The following CYP1B1 variants were observed in gnomAD, a reference collection of about 807,000 sequenced individuals.
CYP1B1 encodes cytochrome P450 family 1 subfamily B member 1, also known as cytochrome P450 1B1.
CYP1B1 carries 22 observed loss-of-function variants against 29.9 expected under a neutral mutation model. The ratio of observed to expected loss-of-function variants is 0.74; its 90% CI spans 0.53 to 1.05. The LOEUF is 1.05. Among genes scored for constraint, CYP1B1 ranks in the 50% least tolerant of loss-of-function variants. The pLI is 0.00. For synonymous variants in CYP1B1, 375 were observed against 320.0 expected (o/e 1.17, Z -1.83); for missense variants, 883 against 746.9 (o/e 1.18, Z -2.12).
chr2:38,075,039 C>G lies in CYP1B1; in HGVS notation c.350G>C (p.Arg117Pro). The stretch of plus-strand genomic sequence containing the variant: ...CACACGGAAGGAGGCGAAGGCCGGC[C>G]GGTCGGCGAAGGCCGAGCCCTGCTG... ...LVQQGSAFADRPAFASFRVVS... is the reference protein window; with the variant it reads ...LVQQGSAFADPPAFASFRVVS... Residue 117 changes from arginine to proline, a missense_variant, in exon 2 of 3, where the codon CGG (arginine) becomes CCG (proline). Coordinates refer to ENST00000610745, the MANE Select transcript of CYP1B1 (RefSeq NM_000104.4). The G allele has an allele frequency of 1.3e-6, 2 of 1,588,800 alleles. No individual in the cohort carries two copies. The highest frequency in any genetic ancestry group is 2.3e-5 in the East Asian group (1 of 44,296).
chr2:38,075,495 A>C (rs1250290290), intron 1 of CYP1B1, 106 bp from the exon 2 acceptor site: 20 of 1,148,624 alleles, frequency 1.7e-5, no homozygotes, highest in Non-Finnish European at 2.4e-5. Context: ...TTGGGTGGAG[A>C]GGTCGGAGCT....
At position 38,070,391 on chromosome 2, in the gene CYP1B1, T is replaced by C. The variant is rs1682402559; in HGVS notation, c.*331A>G. ...AATACTGCTTCATTCAGTAGTTTGG[T>C]GTAAGTGTTTGGGTGTATGTGTCTA... is the stretch of plus-strand genomic sequence containing the variant. On this transcript the variant is annotated 3_prime_UTR_variant, in exon 3 of 3. Coordinates refer to ENST00000610745, the MANE Select transcript of CYP1B1 (RefSeq NM_000104.4). 1 of 357,992 alleles carries C rather than the reference T, an allele frequency of 2.8e-6. No individual in the cohort carries two copies. Among genetic ancestry groups the C allele is most frequent in the Non-Finnish European group, 5.1e-6 (1 of 195,092 alleles). The allele number at this position is 357,992 out of a possible 1,614,324, so 22.2% of individuals were successfully genotyped here. A position where few individuals can be genotyped will look rare whatever the true frequency, so the allele number is the denominator to read the frequency against.
In CYP1B1 at chr2:38,074,658, A is replaced by G; in HGVS notation, c.731T>C (p.Met244Thr). 1.9e-6 allele frequency: 3 copies of G among 1,613,342 alleles called. No homozygotes were observed. Among genetic ancestry groups the G allele is most frequent in the South Asian group, 1.1e-5 (1 of 91,068 alleles). The part of the protein sequence containing the change: ...TVGAGSLVDV[M>T]PWLQYFPNPV... ...GTTGGGGAAGTACTGCAGCCAGGGC[A>G]TCACGTCCACCAGGCTGCCCGCGCC... is the stretch of plus-strand genomic sequence containing the variant. The change falls in exon 2 of 3, where the codon ATG becomes ACG. Residue 244 changes from methionine (M) to threonine (T), a missense_variant. Transcript: ENST00000610745.
At chr2:38,075,653 G>A (rs1159762564) in intron 1 of CYP1B1, 127 bp downstream of exon 1, 3 of 571,544 alleles carry the variant, frequency 5.2e-6, no homozygotes, top group Admixed American at 6.1e-5. Context: ...CCTGCAATCT[G>A]GGGACAACGC....
intron 2 of CYP1B1, among the ~76,000 whole-genome samples, chr2:38,072,979 G>T (rs1230212811): frequency 6.6e-6 from 1 of 152,146 alleles, no homozygotes; most frequent in Non-Finnish European, 1.5e-5. Context: ...TGGAGTACTC[G>T]GAGAACTATT....
In CYP1B1 at chr2:38,075,322, G is replaced by A. The variant is rs1351091322; in HGVS notation, c.67C>T (p.Leu23Phe). 6.2e-7 allele frequency: 1 copy of A among 1,612,674 alleles called. No homozygotes were observed. The highest frequency in any genetic ancestry group is 2.2e-5 in the East Asian group (1 of 44,860). Residue 23 changes from leucine (L) to phenylalanine (F), a missense_variant, in exon 2 of 3, where the codon CTC (leucine) becomes TTC (phenylalanine). Transcript: ENST00000610745. Reference protein sequence around the residue: ...LNPLSIQQTTLLLLLSVLATV... With the variant: ...LNPLSIQQTTFLLLLSVLATV... ...GCCAGCACCGACAGGAGTAGCAGGA[G>A]CGTGGTCTGCTGGATGGACAGCGGG...
intron 2 of CYP1B1, among the ~76,000 whole-genome samples, chr2:38,072,475 C>T (rs1682450241): frequency 6.6e-6 from 1 of 152,072 alleles, no homozygotes; most frequent in Non-Finnish European, 1.5e-5. Flanking sequence ...TAGCAAAATA[C>T]TATATAGCCA....
Position 38,074,431 on chromosome 2 carries a change from C to T in CYP1B1, c.958G>A (p.Val320Ile), listed in dbSNP as rs72549382. 1 of 1,613,308 alleles carries T rather than the reference C, an allele frequency of 6.2e-7. No individual in the cohort carries two copies. The highest frequency in any genetic ancestry group is 1.1e-5 in the South Asian group (1 of 91,004). The change falls in exon 2 of 3, where the codon GTA becomes ATA. Residue 320 changes from valine to isoleucine, a missense_variant. Physicochemically the swap from Val to Ile is conservative, Grantham distance 29. Transcript: ENST00000610745. The stretch of plus-strand genomic sequence containing the variant: ...AAGATGTCAGTGATAGTGGCCGGTA[C>T]GTTCTCCAAATCCAGCCGCGCGCCA... ...GGGARLDLEN[V>I]PATITDIFGA...
At position 38,071,064 on chromosome 2, in the gene CYP1B1, G is replaced by C. The variant is rs201181935; in HGVS notation, c.1290C>G (p.Asp430Glu). ...VFVNQWSVNH[D>E]PLKWPNPENF... Reference sequence around the variant, plus strand: ...TCTCCGGGTTAGGCCACTTCAGTGGGTCATGATTCACAGACCACTGGTTGA... The same window carrying C: ...TCTCCGGGTTAGGCCACTTCAGTGGCTCATGATTCACAGACCACTGGTTGA... Residue 430 changes from aspartate (D) to glutamate (E), a missense_variant, in exon 3 of 3, where the codon GAC becomes GAG. Coordinates refer to ENST00000610745, the MANE Select transcript of CYP1B1 (RefSeq NM_000104.4). 36 of 1,613,544 alleles carry C rather than the reference G, an allele frequency of 2.2e-5. No individual in the cohort carries two copies. In the East Asian group the frequency reaches 7.8e-4, roughly 35 times the overall value.
At chr2:38,074,140 G>A (rs1282862181) in intron 2 of CYP1B1, among the ~76,000 whole-genome samples, 4 of 152,058 alleles carry the variant, frequency 2.6e-5, no homozygotes, top group Non-Finnish European at 5.9e-5. Context: ...AGACCGGAGG[G>A]GTCGGGGCAC....
rs1172871327 is a variant in CYP1B1, at chr2:38,071,059, A to T, written c.1295T>A (p.Leu432Gln). ...VNQWSVNHDP[L>Q]KWPNPENFDP... ...AAAGTTCTCCGGGTTAGGCCACTTC[A>T]GTGGGTCATGATTCACAGACCACTG... Residue 432 changes from leucine to glutamine, a missense_variant, in exon 3 of 3, where the codon CTG (leucine) becomes CAG (glutamine). Coordinates refer to ENST00000610745, the MANE Select transcript of CYP1B1 (RefSeq NM_000104.4). 3.1e-6 allele frequency: 5 copies of T among 1,613,842 alleles called. No individual in the cohort carries two copies. The highest frequency in any genetic ancestry group is 3.4e-6 in the Non-Finnish European group (4 of 1,179,750).
rs1228357193 is a variant in CYP1B1, at chr2:38,068,085, T to C, written c.*2637A>G. 4 of 203,390 alleles carry C rather than the reference T, an allele frequency of 2.0e-5. No individual in the cohort carries two copies. Among genetic ancestry groups the C allele is most frequent in the Non-Finnish European group, 4.0e-5 (4 of 98,840 alleles). The allele number at this position is 203,390 out of a possible 1,614,324, so 12.6% of individuals were successfully genotyped here. ...GCAATTTGCTTATAGAGTCAAAGCTTTGACATACAAATGAAGCATTTAATA... is the reference window on the plus strand; with the variant it reads ...GCAATTTGCTTATAGAGTCAAAGCTCTGACATACAAATGAAGCATTTAATA... On this transcript the variant is annotated 3_prime_UTR_variant, in exon 3 of 3. Coordinates refer to ENST00000610745, the MANE Select transcript of CYP1B1 (RefSeq NM_000104.4).
chr2:38,069,854 A>AC lies in CYP1B1; in HGVS notation c.*867dup, dbSNP rs200949126. ...CACTATTTGGTGACTTTTTTTTTTA[A>AC]CCTATGAGACTTACTGAAATCAGTA... On this transcript the variant is annotated 3_prime_UTR_variant, in exon 3 of 3. Transcript: ENST00000610745. 0.01 allele frequency: 1,976 copies of AC among 197,472 alleles called. 15 individuals carry two copies. The highest frequency in any genetic ancestry group is 0.022 in the Middle Eastern group (13 of 588). The allele number at this position is 197,472 out of a possible 1,614,324, so 12.2% of individuals were successfully genotyped here. A position where few individuals can be genotyped will look rare whatever the true frequency, so the allele number is the denominator to read the frequency against.
rs72549373 is a variant in CYP1B1, at chr2:38,070,924, T to TTAGAAAGTTCTTCGCCAATGCACCGCC, written c.1403_1429dup (p.Arg468_Ser476dup). ...GGAGATGAAGAGAAAAAGCTGCATC[T>TTAGAAAGTTCTTCGCCAATGCACCGCC]TAGAAAGTTCTTCGCCAATGCACCG... On this transcript the variant is annotated inframe_insertion, in exon 3 of 3. Coordinates refer to ENST00000610745, the MANE Select transcript of CYP1B1 (RefSeq NM_000104.4). 6.3e-5 allele frequency: 102 copies of TTAGAAAGTTCTTCGCCAATGCACCGCC among 1,614,066 alleles called. No homozygotes were observed. Among genetic ancestry groups the TTAGAAAGTTCTTCGCCAATGCACCGCC allele is most frequent in the Non-Finnish European group, 8.2e-5 (97 of 1,180,040 alleles).
intron 1 of CYP1B1, 51 bp from the exon 2 acceptor site, chr2:38,075,440 C>A (rs1241943573): frequency 6.3e-7 from 1 of 1,579,932 alleles, no homozygotes; most frequent in South Asian, 1.1e-5. Flanking sequence ...GAGACAGGAG[C>A]GGGCGCCCCA....
At position 38,074,629 on chromosome 2, in the gene CYP1B1, C is replaced by T. The variant is rs762669093; in HGVS notation, c.760G>A (p.Val254Met). ...TCGAATTCGCGGAAAACGGTGCGCACCGGGTTGGGGAAGTACTGCAGCCAG... is the reference window on the plus strand; with the variant it reads ...TCGAATTCGCGGAAAACGGTGCGCATCGGGTTGGGGAAGTACTGCAGCCAG... ...MPWLQYFPNPVRTVFREFEQL... is the reference protein window; with the variant it reads ...MPWLQYFPNPMRTVFREFEQL... The change falls in exon 2 of 3, where the codon GTG (valine) becomes ATG (methionine). Residue 254 changes from valine (V) to methionine (M), a missense_variant. Val to Met is a conservative substitution (Grantham distance 21). Coordinates refer to ENST00000610745, the MANE Select transcript of CYP1B1 (RefSeq NM_000104.4). The T allele has an allele frequency of 3.7e-6, 6 of 1,613,480 alleles. No individual in the cohort carries two copies. In the East Asian group the frequency reaches 1.1e-4, roughly 30 times the overall value.
At chr2:38,075,571 GAAGGGGC>G in intron 1 of CYP1B1, 182 bp from the exon 2 acceptor site, 1 of 641,294 alleles carries the variant, frequency 1.6e-6, no homozygotes. Flanking sequence ...TTGGAGAAGA[GAAGGGGC>G]GTGTTTCCAC....
At position 38,070,635 on chromosome 2, in the gene CYP1B1, C is replaced by G. The variant is rs972461502; in HGVS notation, c.*87G>C. 1 of 1,189,280 alleles carries G rather than the reference C, an allele frequency of 8.4e-7. No homozygotes were observed. The highest frequency in any genetic ancestry group is 1.3e-6 in the Non-Finnish European group (1 of 799,578). The allele number at this position is 1,189,280 out of a possible 1,614,324, so 73.7% of individuals were successfully genotyped here. A position where few individuals can be genotyped will look rare whatever the true frequency, so the allele number is the denominator to read the frequency against. ...CTTAAACGCTAATTGAGAAGCAGCA[C>G]AAAAGAGGAACTGGAAAAAAACTGA... On this transcript the variant is annotated 3_prime_UTR_variant, in exon 3 of 3. Transcript: ENST00000610745.
intron 2 of CYP1B1, 188 bp downstream of exon 2, chr2:38,074,158 T>G (rs1573274662): frequency 1.5e-6 from 1 of 663,906 alleles, no homozygotes; most frequent in Non-Finnish European, 2.6e-6. Flanking sequence ...CACCGCTGGG[T>G]GGGGCGCGTG....
Sources: allele counts gnomAD v4.1 joint callset (sites outside exome capture counted in the v4.1 genomes callset), GRCh38; gene constraint gnomAD v4.1.1; transcripts MANE v1.5; gene names NCBI Gene and HGNC (gene_info 2026-07-23, HGNC 2026-07-21).